Variants in MID1 observed in about 807,000 individuals in gnomAD.
MID1 encodes E3 ubiquitin-protein ligase Midline-1.
MID1 carries 7 observed loss-of-function variants against 40.4 expected under a neutral mutation model. That is an observed-to-expected ratio of 0.17 (90% confidence interval 0.10 to 0.33). The LOEUF is 0.33. Among genes scored for constraint, MID1 ranks in the 10% least tolerant of loss-of-function variants. The pLI is 1.00. For synonymous variants in MID1, 229 were observed against 221.2 expected, an observed-to-expected ratio of 1.04 and a Z score of -0.31; for missense variants, 367 against 558.5, an observed-to-expected ratio of 0.66 and a Z score of 3.46.
chrX:10,754,678 G>A (rs932412657), intron 1 of MID1, among the ~76,000 whole-genome samples: 2 of 110,860 alleles, frequency 1.8e-5, no homozygotes, highest in South Asian at 3.8e-4. Flanking sequence ...ATGGTGATGC[G>A]ATTAGCCGGG....
At chrX:10,784,634 C>T (rs1384965152) in intron 1 of MID1, among the ~76,000 whole-genome samples, 1 of 108,716 alleles carries the variant, frequency 9.2e-6, no homozygotes, top group African/African-American at 3.4e-5. Context: ...TTAGTAGAGA[C>T]GGGGTTTCAC....
At chrX:10,472,013 A>T (rs1345770977) in intron 6 of MID1, among the ~76,000 whole-genome samples, 1 of 112,184 alleles carries the variant, frequency 8.9e-6, no homozygotes, top group Non-Finnish European at 1.9e-5. Flanking sequence ...AAACCCAATG[A>T]GTTTGTCCTG....
intron 1 of MID1, among the ~76,000 whole-genome samples, chrX:10,676,742 G>A (rs1394228583): frequency 1.8e-5 from 2 of 111,402 alleles, no homozygotes; most frequent in African/African-American, 6.5e-5. Context: ...AGGAGGGGAG[G>A]GGTGGAAGGG....
chrX:10,573,002 A>G (rs1347778536), intron 1 of MID1, among the ~76,000 whole-genome samples: 1 of 112,525 alleles, frequency 8.9e-6, no homozygotes, highest in East Asian at 2.8e-4. Flanking sequence ...CAGTCCCTCT[A>G]GCACTCACTC....
chrX:10,662,716 G>A (rs1445644208), intron 1 of MID1, among the ~76,000 whole-genome samples: 1 of 111,828 alleles, frequency 8.9e-6, no homozygotes, highest in Non-Finnish European at 1.9e-5. Flanking sequence ...GGTCATCATA[G>A]CACACATCTA....
At chrX:10,516,560 TTGTGTGTGTGTGTGTGTG>T (rs57101806) in intron 3 of MID1, among the ~76,000 whole-genome samples, 44 of 73,364 alleles carry the variant, frequency 6.0e-4, no homozygotes, top group East Asian at 8.9e-4. Flanking sequence ...TACTCTGCTC[TTGTGTGTGTGTGTGTGTG>T]TGTGTGTGTG....
intron 2 of MID1, among the ~76,000 whole-genome samples, chrX:10,548,074 CT>C (rs760224051): frequency 1.8e-5 from 2 of 112,181 alleles, no homozygotes; most frequent in African/African-American, 6.5e-5. Flanking sequence ...AATAGCATGA[CT>C]TAAGTGTACA....
intron 1 of MID1, among the ~76,000 whole-genome samples, chrX:10,785,753 T>G (rs1451299518): frequency 1.8e-5 from 2 of 111,861 alleles, no homozygotes; most frequent in African/African-American, 3.3e-5. Context: ...CTGGGAAAAC[T>G]GGCTAGCCAT....
At chrX:10,787,314 G>A (rs2147137101) in intron 1 of MID1, among the ~76,000 whole-genome samples, 1 of 108,893 alleles carries the variant, frequency 9.2e-6, no homozygotes, top group African/African-American at 3.4e-5. Flanking sequence ...TCCCTTGAGT[G>A]CGTAGTAATA....
chrX:10,648,355 T>G (rs1394936238), intron 1 of MID1, among the ~76,000 whole-genome samples: 3 of 111,691 alleles, frequency 2.7e-5, no homozygotes, highest in Non-Finnish European at 5.6e-5. Flanking sequence ...TTTAAGGAAA[T>G]CTGTGTTTTT....
At chrX:10,768,225 T>C (rs892093420) in intron 1 of MID1, among the ~76,000 whole-genome samples, 2 of 111,191 alleles carry the variant, frequency 1.8e-5, no homozygotes, top group African/African-American at 6.5e-5. Flanking sequence ...ACTTAAAAGC[T>C]TGAGGAAAAT....
chrX:10,574,849 G>A (rs975105384), intron 1 of MID1, among the ~76,000 whole-genome samples: 4 of 112,269 alleles, frequency 3.6e-5, no homozygotes, highest in African/African-American at 6.5e-5. Context: ...GTGATTAATC[G>A]TTAATACCAC....
At chrX:10,750,075 C>G (rs2043587406) in intron 1 of MID1, among the ~76,000 whole-genome samples, 1 of 111,246 alleles carries the variant, frequency 9.0e-6, no homozygotes, top group Non-Finnish European at 1.9e-5. Context: ...AGATCACACC[C>G]CGGAGATTCA....
At chrX:10,668,062 C>A (rs916980171) in intron 1 of MID1, among the ~76,000 whole-genome samples, 3 of 111,771 alleles carry the variant, frequency 2.7e-5, no homozygotes, top group African/African-American at 9.8e-5. Context: ...ACTGAATACG[C>A]ATCTTGGGAC....
chrX:10,777,551 T>A (rs1402955563), intron 1 of MID1, among the ~76,000 whole-genome samples: 5 of 109,177 alleles, frequency 4.6e-5, no homozygotes, highest in Non-Finnish European at 7.6e-5. Context: ...TTCTTTTCTT[T>A]TTTTTTTTAA....
intron 5 of MID1, among the ~76,000 whole-genome samples, chrX:10,479,848 G>A (rs921762443): frequency 2.9e-4 from 32 of 111,894 alleles, no homozygotes; most frequent in African/African-American, 8.5e-4. Flanking sequence ...TTTCTTTTGG[G>A]TATGTACCTA....
Position 10,704,739 on chromosome X carries a change from T to TATAC in MID1, c.-186-84321_-186-84320insGTAT, listed in dbSNP as rs1233692170. Among the ~76,000 whole-genome samples, 356 of 82,158 alleles carry TATAC rather than the reference T, an allele frequency of 4.3e-3. 1 individual carries two copies. The highest frequency in any genetic ancestry group is 0.012 in the South Asian group (21 of 1,778). 71.3% of individuals were successfully genotyped at this position (82,158 alleles called of 115,157 possible). A position where few individuals can be genotyped will look rare whatever the true frequency, so the allele number is the denominator to read the frequency against. ...GTGTATATATATATATATATATATA[T>TATAC]ACACACACACACACACACACACACA... On this transcript the variant is annotated intron_variant, in intron 1 of 10. Transcript: ENST00000380785.
At chrX:10,801,753 A>C (rs1308173544) in intron 1 of MID1, among the ~76,000 whole-genome samples, 1 of 112,207 alleles carries the variant, frequency 8.9e-6, no homozygotes, top group Non-Finnish European at 1.9e-5. Flanking sequence ...ATTATATAAG[A>C]AAACGTAGGA....
At chrX:10,806,714 A>G (rs1393471876) in intron 1 of MID1, among the ~76,000 whole-genome samples, 1 of 112,394 alleles carries the variant, frequency 8.9e-6, no homozygotes, top group Admixed American at 9.5e-5. Flanking sequence ...TTTTCACATT[A>G]TCAGTCAGAT....
Sources: allele counts gnomAD v4.1 joint callset (sites outside exome capture counted in the v4.1 genomes callset), GRCh38; gene constraint gnomAD v4.1.1; transcripts MANE v1.5; gene names NCBI Gene and HGNC (gene_info 2026-07-23, HGNC 2026-07-21).